Variants in TMPRSS15 observed in about 807,000 individuals in gnomAD.
TMPRSS15 encodes transmembrane serine protease 15, also known as enteropeptidase.
TMPRSS15 carries 128 observed loss-of-function variants against 125.3 expected under a neutral mutation model. That is an observed-to-expected ratio of 1.02 (90% CI 0.89 to 1.18). TMPRSS15 has a LOEUF of 1.18. Among genes scored for constraint, TMPRSS15 ranks in the 50% most tolerant of loss-of-function variants. The pLI, the probability that TMPRSS15 is intolerant of heterozygous loss-of-function variation, is 0.00. For missense variants in TMPRSS15, 1,283 were observed against 1,212.7 expected (o/e 1.06, Z -0.86); for synonymous variants, 446 against 423.2 (o/e 1.05, Z -0.66).
At chr21:18,447,050 A>G (rs1270968445) in intron 1 of TMPRSS15, among the ~76,000 whole-genome samples, 1 of 152,204 alleles carries the variant, frequency 6.6e-6, no homozygotes, top group Non-Finnish European at 1.5e-5. Context: ...AGGGGTTAAT[A>G]TACAGCATAT....
At chr21:18,293,198 C>A (rs1385364188) in intron 21 of TMPRSS15, among the ~76,000 whole-genome samples, 3 of 152,198 alleles carry the variant, frequency 2.0e-5, no homozygotes, top group African/African-American at 7.2e-5. Context: ...TTAAAATTTT[C>A]ACAATCTCTG....
intron 1 of TMPRSS15, among the ~76,000 whole-genome samples, chr21:18,483,729 A>G (rs1753732955): frequency 6.6e-6 from 1 of 151,940 alleles, no homozygotes; most frequent in Admixed American, 6.6e-5. Context: ...TCACTTTTCT[A>G]GACTTTTAAA....
intron 10 of TMPRSS15, among the ~76,000 whole-genome samples, chr21:18,352,096 A>T (rs765533474): frequency 6.6e-6 from 1 of 151,992 alleles, no homozygotes; most frequent in South Asian, 2.1e-4. Context: ...TTTTCCTTAT[A>T]CATTCCTTCT....
At chr21:18,371,435 C>G (rs895617795) in intron 6 of TMPRSS15, among the ~76,000 whole-genome samples, 3 of 152,114 alleles carry the variant, frequency 2.0e-5, no homozygotes, top group African/African-American at 7.2e-5. Context: ...TTCTAGTAAA[C>G]TTTTCTAAGT....
chr21:18,278,825 G>A (rs533105827), intron 23 of TMPRSS15, 139 bp downstream of exon 23: 10 of 594,194 alleles, frequency 1.7e-5, no homozygotes, highest in South Asian at 1.0e-4. Context: ...CATGCTTGAC[G>A]GTACTTTTAG....
At chr21:18,472,174 C>T (rs140394343) in intron 1 of TMPRSS15, among the ~76,000 whole-genome samples, 13 of 152,140 alleles carry the variant, frequency 8.5e-5, no homozygotes, top group African/African-American at 2.6e-4. Flanking sequence ...GAAAAACATA[C>T]ACCTTTAAGA....
intron 24 of TMPRSS15, among the ~76,000 whole-genome samples, chr21:18,270,898 T>G (rs954828671): frequency 1.3e-5 from 2 of 152,184 alleles, no homozygotes; most frequent in South Asian, 4.1e-4. Flanking sequence ...CAAATCTTTT[T>G]GATTAATTTG....
In TMPRSS15 at chr21:18,353,837, T is replaced by C; in HGVS notation, c.907A>G (p.Thr303Ala). Residue 303 changes from threonine to alanine, a missense_variant, in exon 9 of 25, where the codon ACA becomes GCA. Transcript: ENST00000284885. ...RASIWETNPG[T>A]IRIFSNQVTA... The stretch of plus-strand genomic sequence containing the variant: ...ACTTGGTTGGAAAAAATTCTTATTG[T>C]GCCAGGATTAGTTTCCCAAATAGAA... The C allele has an allele frequency of 1.2e-6, 2 of 1,611,476 alleles. No homozygotes were observed. Among genetic ancestry groups the C allele is most frequent in the South Asian group, 2.2e-5 (2 of 91,036 alleles).
chr21:18,295,892 C>T (rs547895057), intron 19 of TMPRSS15, among the ~76,000 whole-genome samples: 15 of 152,190 alleles, frequency 9.9e-5, no homozygotes, highest in Non-Finnish European at 1.8e-4. Context: ...GTGGCTCACG[C>T]CTGTAACTCC....
rs2076228223 is a variant in TMPRSS15 at position 18,436,533 on chromosome 21, A to G, written c.11-38204T>C. On this transcript the variant is annotated intron_variant, in intron 1 of 7. Coordinates refer to the TMPRSS15 transcript ENST00000422787. The stretch of plus-strand genomic sequence containing the variant: ...TTGCAGATGACATGATTGTATATCT[A>G]GAAAACCCCATTGTCTCAGCCCAAA... Among the ~76,000 whole-genome samples, 8 of 152,018 alleles carry G rather than the reference A, an allele frequency of 5.3e-5. No homozygotes were observed. The South Asian group carries it at 1.7e-3, about 32-fold the overall frequency.
intron 18 of TMPRSS15, among the ~76,000 whole-genome samples, chr21:18,302,908 T>TTTTG (rs756120880): frequency 4.1e-4 from 63 of 152,188 alleles, no homozygotes; most frequent in Admixed American, 1.5e-3. Flanking sequence ...TTGGAGTTCC[T>TTTTG]TTTGTTTGTT....
chr21:18,460,397 A>G (rs1226260460), intron 1 of TMPRSS15, among the ~76,000 whole-genome samples: 5 of 151,902 alleles, frequency 3.3e-5, no homozygotes, highest in African/African-American at 1.2e-4. Flanking sequence ...TTCTCTTTCT[A>G]TGTAGTACAT....
At chr21:18,275,556 C>T (rs555805851) in intron 23 of TMPRSS15, among the ~76,000 whole-genome samples, 13 of 152,222 alleles carry the variant, frequency 8.5e-5, no homozygotes, top group South Asian at 2.1e-4. Flanking sequence ...TCTTTTTTAC[C>T]GAAGGGCTAG....
intron 21 of TMPRSS15, among the ~76,000 whole-genome samples, chr21:18,288,532 T>A: frequency 1.3e-5 from 1 of 78,424 alleles, no homozygotes; most frequent in Admixed American, 1.0e-4. Flanking sequence ...CTCTTCCTTT[T>A]TTTTTTTTTT....
chr21:18,278,829 C>A, intron 23 of TMPRSS15, 135 bp downstream of exon 23: 1 of 604,744 alleles, frequency 1.7e-6, no homozygotes, highest in Non-Finnish European at 3.0e-6. Flanking sequence ...CTTGACGGTA[C>A]TTTTAGGAGA....
At chr21:18,347,673 C>T (rs2075523167) in intron 10 of TMPRSS15, among the ~76,000 whole-genome samples, 1 of 152,050 alleles carries the variant, frequency 6.6e-6, no homozygotes, top group Admixed American at 6.6e-5. Flanking sequence ...TACAGATTTG[C>T]TTTGCTTTTA....
intron 12 of TMPRSS15, 85 bp downstream of exon 12, chr21:18,343,421 A>G: frequency 7.9e-7 from 1 of 1,261,004 alleles, no homozygotes; most frequent in East Asian, 2.5e-5. Context: ...CAGAAAATAC[A>G]TTAATTTTTT....
intron 3 of TMPRSS15, among the ~76,000 whole-genome samples, chr21:18,394,180 A>G (rs1365231559): frequency 6.6e-6 from 1 of 152,112 alleles, no homozygotes; most frequent in African/African-American, 2.4e-5. Context: ...AATATTTTAT[A>G]TTTTCATCTT....
At chr21:18,481,408 TAAATAA>T (rs1190841582) in intron 1 of TMPRSS15, among the ~76,000 whole-genome samples, 1 of 151,810 alleles carries the variant, frequency 6.6e-6, no homozygotes, top group East Asian at 1.9e-4. Flanking sequence ...TTTTCCCTAA[TAAATAA>T]AAATGGGAAC....
Sources: allele counts gnomAD v4.1 joint callset (sites outside exome capture counted in the v4.1 genomes callset), GRCh38; gene constraint gnomAD v4.1.1; transcripts MANE v1.5; gene names NCBI Gene and HGNC (gene_info 2026-07-23, HGNC 2026-07-21).